Variants in SPEG observed in about 807,000 individuals in gnomAD.
SPEG encodes the protein striated muscle enriched protein kinase.
SPEG carries 114 observed loss-of-function variants against 300.4 expected under a neutral mutation model. That is an observed-to-expected ratio of 0.38 (90% CI 0.33 to 0.44). The LOEUF (loss-of-function observed/expected upper bound fraction) is 0.44, where lower values mean the gene tolerates loss of function less well. Among genes scored for constraint, SPEG ranks in the 20% least tolerant of loss-of-function variants. The pLI, the probability that SPEG is intolerant of heterozygous loss-of-function variation, is 1.00. For missense variants in SPEG, 4,201 were observed against 4,586.2 expected, an observed-to-expected ratio of 0.92 and a Z score of 2.43; for synonymous variants, 1,964 against 2,018.9, an observed-to-expected ratio of 0.97 and a Z score of 0.73.
Position 219,492,846 on chromosome 2 carries a change from C to T in SPEG, c.*60C>T, listed in dbSNP as rs1694104019. The T allele has an allele frequency of 6.7e-7, 1 of 1,490,180 alleles. No homozygotes were observed. Among genetic ancestry groups the T allele is most frequent in the South Asian group, 1.2e-5 (1 of 83,190 alleles). 92.3% of individuals were successfully genotyped at this position (1,490,180 alleles called of 1,614,324 possible). The stretch of plus-strand genomic sequence containing the variant: ...TGGGGTTCCCACCAATGCCACGGGA[C>T]ATTCCAGGGCCCACGCTGAGCCAGG... On this transcript the variant is annotated 3_prime_UTR_variant, in exon 41 of 41. Transcript: ENST00000312358.
rs1380163709 is a variant in SPEG, at chr2:219,435,046, C to G, written c.69C>G (p.Pro23=). The change falls in exon 1 of 41, where the codon CCC becomes CCG. Residue 23 remains proline (P), a synonymous_variant. Coordinates refer to ENST00000312358, the MANE Select transcript of SPEG (RefSeq NM_005876.5). The part of the protein sequence containing the change: ...GTRAPPSPGV[P]PKRAKVGAGG... Reference sequence around the variant, plus strand: ...GGGCACCCCCCAGCCCCGGAGTGCCCCCGAAAAGGGCCAAGGTGGGGGCCG... The same window carrying G: ...GGGCACCCCCCAGCCCCGGAGTGCCGCCGAAAAGGGCCAAGGTGGGGGCCG... 2.0e-6 allele frequency: 3 copies of G among 1,493,186 alleles called. No individual in the cohort carries two copies. Among genetic ancestry groups the G allele is most frequent in the East Asian group, 5.7e-5 (2 of 35,066 alleles). 92.5% of individuals were successfully genotyped at this position (1,493,186 alleles called of 1,614,324 possible).
At chr2:219,461,815 T>C (rs747932335) in intron 6 of SPEG, 67 bp from the exon 7 acceptor site, 10 of 1,528,256 alleles carry the variant, frequency 6.5e-6, no homozygotes, top group Non-Finnish European at 7.2e-6. Flanking sequence ...CTGGGCGACA[T>C]TCCAGCCAGC....
chr2:219,475,036 C>T (rs1430218011), intron 18 of SPEG, among the ~76,000 whole-genome samples: 7 of 152,058 alleles, frequency 4.6e-5, no homozygotes, highest in East Asian at 1.9e-4. Context: ...CCGTCCACCT[C>T]GGCTTCCCAA....
At chr2:219,438,320 T>C (rs138131368) in intron 1 of SPEG, among the ~76,000 whole-genome samples, 82 of 152,264 alleles carry the variant, frequency 5.4e-4, no homozygotes, top group African/African-American at 1.9e-3. Context: ...AAACTGGGGT[T>C]CAAAGAGGAA....
At chr2:219,466,563 G>T in intron 9 of SPEG, 1 of 1,041,098 alleles carries the variant, frequency 9.6e-7, no homozygotes, top group African/African-American at 1.7e-5. Context: ...GGAAGGGTTA[G>T]GACACTGACC....
Position 219,477,220 on chromosome 2 carries a change from G to GGTACAGCGGCTCCTA in SPEG, c.4561-56_4561-55insTACAGCGGCTCCTAG. 7 of 1,549,490 alleles carry GGTACAGCGGCTCCTA rather than the reference G, an allele frequency of 4.5e-6. No homozygotes were observed. Among genetic ancestry groups the GGTACAGCGGCTCCTA allele is most frequent in the Non-Finnish European group, 6.1e-6 (7 of 1,150,620 alleles). ...TGCCCAGAGTAGGAGATGAGGCCCT[G>GGTACAGCGGCTCCTA]GCCCCAAGGTAGAGATGAGGCCAGG... On this transcript the variant is annotated intron_variant, in intron 19 of 40. Coordinates refer to ENST00000312358, the MANE Select transcript of SPEG (RefSeq NM_005876.5). The surrounding 1 kb of genome is among the most constrained non-coding windows in gnomAD (Gnocchi z 6.4).
chr2:219,436,323 G>C (rs773960780), intron 1 of SPEG, among the ~76,000 whole-genome samples: 2 of 152,198 alleles, frequency 1.3e-5, no homozygotes, highest in Non-Finnish European at 1.5e-5. Context: ...CCATTTGGGG[G>C]CTTCCTTTTT....
Position 219,445,496 on chromosome 2 carries a change from T to G in SPEG, c.815+335T>G. On this transcript the variant is annotated intron_variant, in intron 3 of 40. Coordinates refer to ENST00000312358, the MANE Select transcript of SPEG (RefSeq NM_005876.5). The surrounding 1 kb of genome is among the most constrained non-coding windows in gnomAD (Gnocchi z 6.1). ...ATTTGGGCTCCAGTTGTCCCCAGGA[T>G]CCCTCCCCCGACCCGGGGGCCCCCT... The G allele has an allele frequency of 5.2e-6, 2 of 383,184 alleles. No individual in the cohort carries two copies. Among genetic ancestry groups the G allele is most frequent in the Non-Finnish European group, 9.5e-6 (2 of 209,830 alleles). 23.7% of individuals were successfully genotyped at this position (383,184 alleles called of 1,614,324 possible).
Position 219,464,294 on chromosome 2 carries a change from C to A in SPEG, c.2706-139C>A. 1 of 936,920 alleles carries A rather than the reference C, an allele frequency of 1.1e-6. No homozygotes were observed. Among genetic ancestry groups the A allele is most frequent in the South Asian group, 1.7e-5 (1 of 59,080 alleles). The allele number at this position is 936,920 out of a possible 1,614,324, so 58.0% of individuals were successfully genotyped here. A position where few individuals can be genotyped will look rare whatever the true frequency, so the allele number is the denominator to read the frequency against. On this transcript the variant is annotated intron_variant, in intron 8 of 40. Transcript: ENST00000312358. The surrounding 1 kb of genome is among the most constrained non-coding windows in gnomAD (Gnocchi z 4.5). The stretch of plus-strand genomic sequence containing the variant: ...AACCTAGCCCTGGAAACCAGGGATG[C>A]CCACGGTCAGTGGGACAGATCTGGG...
At chr2:219,442,971 T>C in intron 1 of SPEG, 1 of 718,170 alleles carries the variant, frequency 1.4e-6, no homozygotes, top group Non-Finnish European at 2.4e-6. Flanking sequence ...ACTCTGGGTC[T>C]CTGCCCACCT....
rs1404065036 is a variant in SPEG at position 219,463,435 on chromosome 2, G to A, written c.2706-998G>A. On this transcript the variant is annotated intron_variant, in intron 8 of 40. Transcript: ENST00000312358. ...TTTTTTTTTTTTTTTTTTTTTAGCT[G>A]GAGTTTCACTCTTTGTCGCCCAGGC... Among the ~76,000 whole-genome samples the A allele has an allele frequency of 1.0e-4, 6 of 58,448 alleles. No homozygotes were observed. The Admixed American group carries it at 1.5e-3, about 15-fold the overall frequency. 38.3% of individuals were successfully genotyped at this position (58,448 alleles called of 152,430 possible).
intron 31 of SPEG, among the ~76,000 whole-genome samples, chr2:219,485,743 G>T (rs1693356233): frequency 6.6e-6 from 1 of 152,240 alleles, no homozygotes; most frequent in Non-Finnish European, 1.5e-5. Context: ...TACAGGTGAG[G>T]AAACGGGCTT....
intron 1 of SPEG, among the ~76,000 whole-genome samples, chr2:219,436,096 G>A (rs1954711367): frequency 6.6e-6 from 1 of 152,226 alleles, no homozygotes; most frequent in African/African-American, 2.4e-5. Flanking sequence ...GGAAGCTCCT[G>A]GACCATGTCT....
rs372120697 is a variant in SPEG, at chr2:219,481,348, C to T, written c.5414C>T (p.Thr1805Ile). The T allele has an allele frequency of 6.2e-7, 1 of 1,614,164 alleles. No individual in the cohort carries two copies. The highest frequency in any genetic ancestry group is 8.5e-7 in the Non-Finnish European group (1 of 1,180,028). ...SPFVGENDRT[T>I]LMNIRNYNVA... Reference sequence around the variant, plus strand: ...TTTGTTGGGGAAAATGACCGGACAACATTGATGAACATCCGAAACTACAAC... The same window carrying T: ...TTTGTTGGGGAAAATGACCGGACAATATTGATGAACATCCGAAACTACAAC... The change falls in exon 27 of 41, where the codon ACA (threonine) becomes ATA (isoleucine). Residue 1805 changes from threonine to isoleucine, a missense_variant. By Grantham distance (89) the Thr-to-Ile change is moderately conservative. Transcript: ENST00000312358. This position sits in a 1 kb window ranked among gnomAD's most constrained non-coding sequence, Gnocchi z 5.4.
chr2:219,445,261 A>G lies in SPEG; in HGVS notation c.815+100A>G, dbSNP rs1023242700. The G allele has an allele frequency of 3.5e-6, 4 of 1,128,376 alleles. No homozygotes were observed. In the Admixed American group the frequency reaches 8.1e-5, roughly 23 times the overall value. 69.9% of individuals were successfully genotyped at this position (1,128,376 alleles called of 1,614,324 possible). A position where few individuals can be genotyped will look rare whatever the true frequency, so the allele number is the denominator to read the frequency against. On this transcript the variant is annotated intron_variant, in intron 3 of 40. Coordinates refer to ENST00000312358, the MANE Select transcript of SPEG (RefSeq NM_005876.5). The surrounding 1 kb of genome is among the most constrained non-coding windows in gnomAD (Gnocchi z 6.1). ...CAGCCTCCACCCATCACCCTGCCCC[A>G]TCCATCTCTCTGTGCATTTCTTCAC...
In SPEG at chr2:219,436,554, G is replaced by A. The variant is rs554952068; in HGVS notation, c.388+1189G>A. Among the ~76,000 whole-genome samples, 268 of 152,330 alleles carry A rather than the reference G, an allele frequency of 1.8e-3. 1 individual carries two copies. The highest frequency in any genetic ancestry group is 6.1e-3 in the African/African-American group (252 of 41,570). On this transcript the variant is annotated intron_variant, in intron 1 of 40. Coordinates refer to ENST00000312358, the MANE Select transcript of SPEG (RefSeq NM_005876.5). ...TAAATCCTTGGAGGCTGGGGAGGAGGCACAGGGAGGAAAGCCCTCAGCAGC... is the reference window on the plus strand; with the variant it reads ...TAAATCCTTGGAGGCTGGGGAGGAGACACAGGGAGGAAAGCCCTCAGCAGC...
intron 13 of SPEG, among the ~76,000 whole-genome samples, chr2:219,470,562 T>C (rs1691782996): frequency 1.3e-5 from 2 of 152,162 alleles, no homozygotes; most frequent in South Asian, 2.1e-4. Flanking sequence ...CTCTTATAAA[T>C]AGTGTCAGCA....
intron 22 of SPEG, among the ~76,000 whole-genome samples, 200 bp downstream of exon 22, chr2:219,478,305 C>T (rs1692531628): frequency 6.6e-6 from 1 of 152,158 alleles, no homozygotes; most frequent in African/African-American, 2.4e-5. Flanking sequence ...AATGTGTGTG[C>T]CTGGCAGTGT....
chr2:219,456,357 A>G (rs1690180574), intron 6 of SPEG, among the ~76,000 whole-genome samples: 1 of 152,212 alleles, frequency 6.6e-6, no homozygotes, highest in Non-Finnish European at 1.5e-5. Flanking sequence ...AGGATGCCAC[A>G]TGGCCCCCAT....
Sources: gnomAD v4.1 joint callset for allele counts (sites outside exome capture counted in the v4.1 genomes callset) on GRCh38, gnomAD v4.1.1 for gene constraint, Gnocchi (gnomAD v3.1) non-coding constraint, MANE v1.5 for transcripts, NCBI Gene and HGNC (gene_info 2026-07-23, HGNC 2026-07-21) for gene names.